The following VGLL4 variants were observed in gnomAD, a reference collection of about 807,000 sequenced individuals.
VGLL4 encodes vestigial like family member 4, also known as transcription cofactor vestigial-like protein 4.
In VGLL4, 7 loss-of-function variants were observed where a neutral mutation model predicts 21.0. That is an observed-to-expected ratio of 0.33 (90% confidence interval 0.19 to 0.63). The LOEUF is 0.63. Among genes scored for constraint, VGLL4 ranks in the 20% least tolerant of loss-of-function variants. VGLL4 has a pLI of 0.78. For synonymous variants in VGLL4, 222 were observed against 173.2 expected, an observed-to-expected ratio of 1.28 and a Z score of -2.21; for missense variants, 394 against 425.7, an observed-to-expected ratio of 0.93 and a Z score of 0.66.
chr3:11,569,477 C>CA (rs2073686753), intron 2 of VGLL4, among the ~76,000 whole-genome samples: 1 of 152,246 alleles, frequency 6.6e-6, no homozygotes, highest in African/African-American at 2.4e-5. Flanking sequence ...AGCCCGTCCC[C>CA]ATGCCAGGCG....
intron 1 of VGLL4, among the ~76,000 whole-genome samples, chr3:11,715,008 G>C (rs956669735): frequency 6.6e-6 from 1 of 151,850 alleles, no homozygotes; most frequent in Non-Finnish European, 1.5e-5. Context: ...GGTGGCGGGC[G>C]CCTGTAGTCC....
At chr3:11,630,049 T>C (rs1044888915) in intron 1 of VGLL4, among the ~76,000 whole-genome samples, 3 of 152,198 alleles carry the variant, frequency 2.0e-5, no homozygotes, top group African/African-American at 7.2e-5. Context: ...TGCCTGCTGG[T>C]TTCCATGGCT....
chr3:11,621,102 C>T (rs1360588459), intron 1 of VGLL4, among the ~76,000 whole-genome samples: 1 of 152,208 alleles, frequency 6.6e-6, no homozygotes, highest in African/African-American at 2.4e-5. Flanking sequence ...ACACAAAGAA[C>T]TTTGCAAAGA....
chr3:11,597,200 A>G (rs895965441), intron 2 of VGLL4, among the ~76,000 whole-genome samples: 4 of 152,042 alleles, frequency 2.6e-5, no homozygotes, highest in African/African-American at 9.7e-5. Flanking sequence ...GAGAAAGGGG[A>G]AGAGCTCTTT....
At position 11,719,002 on chromosome 3, in the gene VGLL4, A is replaced by T. The variant is rs2124840625; in HGVS notation, c.-14+1392T>A. On this transcript the variant is annotated intron_variant, in intron 1 of 5. Transcript: ENST00000273038. This position sits in a 1 kb window ranked among gnomAD's most constrained non-coding sequence, Gnocchi z 4.0. The stretch of plus-strand genomic sequence containing the variant: ...TAAATGTCTCAGGGTGATGAATCAA[A>T]GGAGACTTCAAGCAAAACAAAAAGC... Among the ~76,000 whole-genome samples the T allele has an allele frequency of 6.6e-6, 1 of 152,314 alleles. No homozygotes were observed. The highest frequency in any genetic ancestry group is 2.1e-4 in the South Asian group (1 of 4,826).
chr3:11,562,813 ACCCCGTGGC>A (rs1247409632), intron 3 of VGLL4, among the ~76,000 whole-genome samples: 2 of 152,224 alleles, frequency 1.3e-5, no homozygotes, highest in Non-Finnish European at 2.9e-5. Flanking sequence ...AGCTTGGGGT[ACCCCGTGGC>A]CCCTGGCTTT....
chr3:11,569,282 G>A (rs968417328), intron 2 of VGLL4, among the ~76,000 whole-genome samples: 1 of 152,224 alleles, frequency 6.6e-6, no homozygotes, highest in African/African-American at 2.4e-5. Flanking sequence ...ACACTGATCT[G>A]AGTCTGAGTT....
intron 4 of VGLL4, 43 bp from the exon 5 acceptor site, chr3:11,558,870 G>A (rs2072688723): frequency 1.3e-6 from 2 of 1,599,620 alleles, no homozygotes; most frequent in African/African-American, 2.7e-5. Flanking sequence ...ACAGGTGGCT[G>A]CAGACAGACA....
At chr3:11,695,384 T>A (rs1478580697) in intron 2 of VGLL4, among the ~76,000 whole-genome samples, 1 of 152,080 alleles carries the variant, frequency 6.6e-6, no homozygotes, top group Non-Finnish European at 1.5e-5. Context: ...GCACACTGAA[T>A]TCTTTAGGAG....
intron 1 of VGLL4, among the ~76,000 whole-genome samples, chr3:11,631,008 A>G (rs1236723978): frequency 6.6e-6 from 1 of 152,236 alleles, no homozygotes; most frequent in East Asian, 1.9e-4. Flanking sequence ...CATCAAGTTT[A>G]GAAGAGATGA....
intron 2 of VGLL4, among the ~76,000 whole-genome samples, chr3:11,671,628 T>C (rs561052998): frequency 4.7e-4 from 72 of 152,130 alleles, no homozygotes; most frequent in Non-Finnish European, 8.4e-4. Flanking sequence ...CCCTCACAGA[T>C]CAAACATGTT....
chr3:11,564,681 C>CCTCACCACCTCCCTCT, intron 3 of VGLL4, 116 bp downstream of exon 3: 1 of 1,289,276 alleles, frequency 7.8e-7, no homozygotes, highest in Non-Finnish European at 1.1e-6. Flanking sequence ...CACCTCCCTC[C>CCTCACCACCTCCCTCT]CTCACCACCT....
Position 11,565,956 on chromosome 3 carries a change from C to T in VGLL4, c.273-937G>A, listed in dbSNP as rs1021706193. ...ACCATATTATCCGCTGACAGAGTAACCTTTTTCCGTAACTCATGAGCTGGT... is the reference window on the plus strand; with the variant it reads ...ACCATATTATCCGCTGACAGAGTAATCTTTTTCCGTAACTCATGAGCTGGT... On this transcript the variant is annotated intron_variant, in intron 2 of 4. Transcript: ENST00000430365. The surrounding 1 kb of genome is among the most constrained non-coding windows in gnomAD (Gnocchi z 4.1). Among the ~76,000 whole-genome samples, 10 of 152,150 alleles carry T rather than the reference C, an allele frequency of 6.6e-5. No individual in the cohort carries two copies. The highest frequency in any genetic ancestry group is 2.6e-4 in the Admixed American group (4 of 15,270).
chr3:11,713,001 A>C (rs958643330), intron 1 of VGLL4, among the ~76,000 whole-genome samples: 1 of 152,186 alleles, frequency 6.6e-6, no homozygotes, highest in African/African-American at 2.4e-5. Context: ...GCCAACAATG[A>C]CACCGGCAAC....
chr3:11,688,414 G>A (rs900018950), intron 2 of VGLL4, among the ~76,000 whole-genome samples: 2 of 152,096 alleles, frequency 1.3e-5, no homozygotes, highest in African/African-American at 4.8e-5. Flanking sequence ...CTGACTACTT[G>A]TTAAATTTTT....
rs1424499302 is a variant in VGLL4 at position 11,577,669 on chromosome 3, C to A, written c.273-12650G>T. Among the ~76,000 whole-genome samples, 6 of 152,138 alleles carry A rather than the reference C, an allele frequency of 3.9e-5. No homozygotes were observed. The East Asian group carries it at 1.2e-3, about 29-fold the overall frequency. ...ACACTTCACACTAAAATGGTTTTAA[C>A]AGGAGAGAGATGTGGAATCCCAGCC... On this transcript the variant is annotated intron_variant, in intron 2 of 4. Coordinates refer to ENST00000430365, the MANE Select transcript of VGLL4 (RefSeq NM_001128219.3).
chr3:11,598,752 A>G (rs2074708463), intron 2 of VGLL4, among the ~76,000 whole-genome samples: 1 of 152,146 alleles, frequency 6.6e-6, no homozygotes, highest in South Asian at 2.1e-4. Context: ...TCAGCCTCCT[A>G]AAGTGCTGGA....
At chr3:11,563,625 T>C (rs1339376412) in intron 3 of VGLL4, among the ~76,000 whole-genome samples, 1 of 152,190 alleles carries the variant, frequency 6.6e-6, no homozygotes, top group Non-Finnish European at 1.5e-5. Context: ...TGAACAGCAG[T>C]GATAACTTGG....
chr3:11,567,718 G>C (rs925407480), intron 2 of VGLL4, among the ~76,000 whole-genome samples: 1 of 152,226 alleles, frequency 6.6e-6, no homozygotes, highest in African/African-American at 2.4e-5. Context: ...AAGCAGTCCT[G>C]AGATCTGCTG....
Sources: allele counts gnomAD v4.1 joint callset (sites outside exome capture counted in the v4.1 genomes callset), GRCh38; gene constraint gnomAD v4.1.1; non-coding constraint Gnocchi (gnomAD v3.1); transcripts MANE v1.5; gene names NCBI Gene and HGNC (gene_info 2026-07-23, HGNC 2026-07-21).